Variants in FANCC observed in about 807,000 individuals in gnomAD.
FANCC encodes the protein Fanconi anemia group C protein.
A neutral mutation model predicts 71.3 loss-of-function variants in FANCC; 55 were observed. The observed-to-expected ratio is 0.77, with a 90% CI of 0.62 to 0.97. The LOEUF is 0.97. FANCC is among the 50% of genes least tolerant of loss of function. FANCC has a pLI of 0.00. For synonymous variants in FANCC, 275 were observed against 244.9 expected (o/e 1.12, Z -1.15); for missense variants, 678 against 670.9 (o/e 1.01, Z -0.12).
chr9:95,196,833 T>TC (rs1337872678), intron 4 of FANCC, among the ~76,000 whole-genome samples: 1 of 152,314 alleles, frequency 6.6e-6, no homozygotes, highest in East Asian at 1.9e-4. Context: ...ATTTCTGCCC[T>TC]CCTAGTCCTG....
intron 1 of FANCC, among the ~76,000 whole-genome samples, chr9:95,313,018 C>T (rs1265466365): frequency 1.3e-5 from 2 of 152,210 alleles, no homozygotes; most frequent in Admixed American, 1.3e-4. Context: ...GAGGGGGATG[C>T]TGAGGTACAC....
chr9:95,193,732 T>C (rs1384032655), intron 4 of FANCC, among the ~76,000 whole-genome samples: 1 of 152,130 alleles, frequency 6.6e-6, no homozygotes, highest in South Asian at 2.1e-4. Context: ...GGTGCCCAAA[T>C]TGCAAGGGCG....
At chr9:95,163,754 C>T (rs1830892690) in intron 6 of FANCC, among the ~76,000 whole-genome samples, 1 of 152,192 alleles carries the variant, frequency 6.6e-6, no homozygotes, top group African/African-American at 2.4e-5. Context: ...GAGGCTGAGG[C>T]AGGAGAATCG....
intron 3 of FANCC, among the ~76,000 whole-genome samples, chr9:95,243,794 A>C: frequency 6.6e-6 from 1 of 151,982 alleles, no homozygotes; most frequent in Non-Finnish European, 1.5e-5. Flanking sequence ...ACTCCATCTC[A>C]AAAAAAAGCA....
At chr9:95,210,243 A>G (rs1411235064) in intron 4 of FANCC, among the ~76,000 whole-genome samples, 1 of 152,186 alleles carries the variant, frequency 6.6e-6, no homozygotes, top group African/African-American at 2.4e-5. Flanking sequence ...AGAGAATAGG[A>G]TATGTGAGCA....
At chr9:95,185,984 T>A (rs1490215917) in intron 4 of FANCC, among the ~76,000 whole-genome samples, 1 of 152,244 alleles carries the variant, frequency 6.6e-6, no homozygotes, top group Non-Finnish European at 1.5e-5. Flanking sequence ...TCTTATCATA[T>A]GTTTAAAATG....
Position 95,213,816 on chromosome 9 carries a change from C to T in FANCC, c.345+26833G>A, listed in dbSNP as rs148474840. Among the ~76,000 whole-genome samples, 564 of 152,104 alleles carry T rather than the reference C, an allele frequency of 3.7e-3. 2 individuals are homozygous for T. Among genetic ancestry groups the T allele is most frequent in the African/African-American group, 0.013 (525 of 41,476 alleles). On this transcript the variant is annotated intron_variant, in intron 4 of 14. Coordinates refer to ENST00000289081, the MANE Select transcript of FANCC (RefSeq NM_000136.3). ...GAAAAAAACAGGCAAATCAAATAGT[C>T]GAAATTTAAAACTTTCAAAAGACAC...
At chr9:95,121,555 T>G (rs1021751152) in intron 10 of FANCC, among the ~76,000 whole-genome samples, 1 of 152,220 alleles carries the variant, frequency 6.6e-6, no homozygotes, top group African/African-American at 2.4e-5. Flanking sequence ...CAACATTGTT[T>G]GTAATAAAAA....
chr9:95,191,445 G>A (rs2135741600), intron 4 of FANCC, among the ~76,000 whole-genome samples: 1 of 143,834 alleles, frequency 7.0e-6, no homozygotes, highest in Non-Finnish European at 1.5e-5. Flanking sequence ...CAATCCTCTT[G>A]CCTCCCAAAG....
At position 95,153,370 on chromosome 9, in the gene FANCC, A is replaced by T. The variant is rs79019355; in HGVS notation, c.522-3283T>A. ...CTTTTCCTTTGGGTAGATAGCCAGT[A>T]GTGTAATTGCTGGATCAAATAGATC... On this transcript the variant is annotated intron_variant, in intron 6 of 14. Transcript: ENST00000289081. Among the ~76,000 whole-genome samples the T allele has an allele frequency of 2.6e-5, 4 of 152,246 alleles. No individual in the cohort carries two copies. The East Asian group carries it at 7.7e-4, about 29-fold the overall frequency.
chr9:95,113,122 G>A (rs1486816046), intron 12 of FANCC, among the ~76,000 whole-genome samples: 1 of 152,210 alleles, frequency 6.6e-6, no homozygotes. Flanking sequence ...GGGGCCGACT[G>A]GCCACTGCAG....
chr9:95,311,844 A>G (rs973215666), intron 1 of FANCC, among the ~76,000 whole-genome samples: 3 of 152,178 alleles, frequency 2.0e-5, no homozygotes, highest in African/African-American at 7.2e-5. Flanking sequence ...TTTATATCAC[A>G]CATAAATGTT....
intron 1 of FANCC, among the ~76,000 whole-genome samples, chr9:95,250,474 G>C (rs1466750173): frequency 2.0e-5 from 3 of 152,202 alleles, no homozygotes; most frequent in Non-Finnish European, 4.4e-5. Context: ...GATCGGGAAA[G>C]TTTTAAAATA....
chr9:95,147,518 AAAAAG>A (rs936148340), intron 7 of FANCC, among the ~76,000 whole-genome samples: 8 of 152,224 alleles, frequency 5.3e-5, no homozygotes, highest in African/African-American at 1.7e-4. Context: ...CTCTGTCTCA[AAAAAG>A]AAAAGAAAAG....
intron 6 of FANCC, among the ~76,000 whole-genome samples, chr9:95,152,884 A>C (rs1830260884): frequency 6.6e-6 from 1 of 151,918 alleles, no homozygotes; most frequent in Admixed American, 6.6e-5. Flanking sequence ...GAAAAAGAAG[A>C]ATCGTCTTGG....
At chr9:95,301,940 G>A (rs975723608) in intron 1 of FANCC, among the ~76,000 whole-genome samples, 73 of 150,310 alleles carry the variant, frequency 4.9e-4, no homozygotes, top group Admixed American at 2.4e-3. Context: ...AAATTAGCCA[G>A]GCGCGGTGGC....
In FANCC at chr9:95,115,058, A is replaced by G. The variant is rs539784821; in HGVS notation, c.1073-348T>C. Among the ~76,000 whole-genome samples the G allele has an allele frequency of 8.5e-5, 13 of 152,238 alleles. No individual in the cohort carries two copies. In the East Asian group the frequency reaches 2.5e-3, roughly 29 times the overall value. ...TGGGCTCAAGCGATCTTCCTACCTC[A>G]GCCTCCCCAGTAGCTGGGACTACAG... On this transcript the variant is annotated intron_variant, in intron 11 of 14. Transcript: ENST00000289081.
rs4647555 is a variant in FANCC, at chr9:95,100,250, G to A, written c.*1457C>T. 14 of 229,274 alleles carry A rather than the reference G, an allele frequency of 6.1e-5. No individual in the cohort carries two copies. The South Asian group carries it at 1.8e-3, about 30-fold the overall frequency. 14.2% of individuals were successfully genotyped at this position (229,274 alleles called of 1,614,324 possible). On this transcript the variant is annotated 3_prime_UTR_variant, in exon 15 of 15. Coordinates refer to ENST00000289081, the MANE Select transcript of FANCC (RefSeq NM_000136.3). Reference sequence around the variant, plus strand: ...TGAGCACGAAGCATGTTATATGAAGGCAATGACCATGATGGCAGCTGCCAC... The same window carrying A: ...TGAGCACGAAGCATGTTATATGAAGACAATGACCATGATGGCAGCTGCCAC...
chr9:95,135,373 G>A lies in FANCC; in HGVS notation c.816C>T (p.Ile272=), dbSNP rs55719336. The part of the protein sequence containing the change: ...ISSERNCLRR[I]ECFIKDSSLP... ...GCGATGAATCTTTTATAAAGCATTC[G>A]ATCCTTCTCAGACAATTTCTCTCAC... is the stretch of plus-strand genomic sequence containing the variant. The change falls in exon 8 of 15, where the codon ATC becomes ATT. Residue 272 remains isoleucine, a synonymous_variant. Coordinates refer to ENST00000289081, the MANE Select transcript of FANCC (RefSeq NM_000136.3). 655 of 1,613,888 alleles carry A rather than the reference G, an allele frequency of 4.1e-4. 9 individuals carry two copies. In the East Asian group the frequency reaches 8.0e-3, roughly 20 times the overall value.
Sources: gnomAD v4.1 joint callset for allele counts (sites outside exome capture counted in the v4.1 genomes callset) on GRCh38, gnomAD v4.1.1 for gene constraint, MANE v1.5 for transcripts, NCBI Gene and HGNC (gene_info 2026-07-23, HGNC 2026-07-21) for gene names.